PRDM11: variants seen among roughly 807,000 people sequenced by gnomAD.
PRDM11 encodes PR domain-containing protein 11.
A neutral mutation model predicts 97.8 loss-of-function variants in PRDM11; 20 were observed. The ratio of observed to expected loss-of-function variants is 0.20; its 90% CI spans 0.14 to 0.30. PRDM11 has a LOEUF of 0.30. Ranked by LOEUF, PRDM11 falls within the 10% of genes least tolerant of loss-of-function variation. The pLI is 1.00. For missense variants in PRDM11, 1,139 were observed against 1,555.2 expected, an observed-to-expected ratio of 0.73 and a Z score of 4.50; for synonymous variants, 599 against 637.7, an observed-to-expected ratio of 0.94 and a Z score of 0.91.
chr11:45,209,837 G>C (rs763786656), intron 5 of PRDM11, among the ~76,000 whole-genome samples: 4 of 152,176 alleles, frequency 2.6e-5, no homozygotes, highest in Non-Finnish European at 4.4e-5. Context: ...GTTAAGGAGT[G>C]GGTAAAACTG....
Position 45,224,686 on chromosome 11 carries a change from A to G in PRDM11, c.1212A>G (p.Glu404=), listed in dbSNP as rs763235305. 3 of 1,613,946 alleles carry G rather than the reference A, an allele frequency of 1.9e-6. No individual in the cohort carries two copies. In the African/African-American group the frequency reaches 4.0e-5, roughly 22 times the overall value. ...CCTCCCTTGCATCTGACCCTCATGA[A>G]CTTCCCACCACCTCTTTTTGCCCTA... is the stretch of plus-strand genomic sequence containing the variant. The part of the protein sequence containing the change: ...AEASLASDPH[E]LPTTSFCPNC... The change falls in exon 7 of 8, where the codon GAA becomes GAG. Residue 404 remains glutamate (E), a synonymous_variant. Coordinates refer to ENST00000683152, the MANE Select transcript of PRDM11 (RefSeq NM_001384648.1).
chr11:45,151,482 G>A (rs1207968907), intron 1 of PRDM11, among the ~76,000 whole-genome samples: 1 of 152,218 alleles, frequency 6.6e-6, no homozygotes, highest in Non-Finnish European at 1.5e-5. Flanking sequence ...GGGGAGGCCT[G>A]GACCCCCATC....
chr11:45,123,730 CT>C, intron 1 of PRDM11, among the ~76,000 whole-genome samples: 1 of 150,858 alleles, frequency 6.6e-6, no homozygotes, highest in South Asian at 2.1e-4. Context: ...CAGTACCATG[CT>C]GTTTTGGTTA....
chr11:45,205,175 C>T (rs1269964759), intron 5 of PRDM11, among the ~76,000 whole-genome samples: 1 of 152,226 alleles, frequency 6.6e-6, no homozygotes, highest in Non-Finnish European at 1.5e-5. Context: ...GTTGTTTAAA[C>T]AGCCTCCATG....
chr11:45,100,182 G>A (rs1565218641), intron 1 of PRDM11, among the ~76,000 whole-genome samples: 1 of 152,074 alleles, frequency 6.6e-6, no homozygotes. Flanking sequence ...CCATCCAAGG[G>A]CTAAAATGAA....
intron 1 of PRDM11, among the ~76,000 whole-genome samples, chr11:45,176,602 CT>C (rs1028562893): frequency 3.0e-4 from 46 of 152,244 alleles, no homozygotes; most frequent in African/African-American, 9.9e-4. Flanking sequence ...TTGTGAGTGG[CT>C]GTGCTGGTGT....
Position 45,146,816 on chromosome 11 carries a change from A to AGCCGTCCGCCGGGCCGCTCTC in PRDM11, c.-64_-63insTCCGCCGGGCCGCTCTCGCCG, listed in dbSNP as rs1851520394. ...AGCCGAGGCCGCGCCGCCTCCGCCG[A>AGCCGTCCGCCGGGCCGCTCTC]GCCGCCCGCCGGGCCGCTCTCGCCG... On this transcript the variant is annotated 5_prime_UTR_variant, in exon 1 of 8. Coordinates refer to ENST00000683152, the MANE Select transcript of PRDM11 (RefSeq NM_001384648.1). 1 of 145,524 alleles carries AGCCGTCCGCCGGGCCGCTCTC rather than the reference A, an allele frequency of 6.9e-6. No homozygotes were observed. The highest frequency in any genetic ancestry group is 2.5e-5 in the African/African-American group (1 of 40,494). 9.0% of individuals were successfully genotyped at this position (145,524 alleles called of 1,614,324 possible).
rs1300026991 is a variant in PRDM11 at position 45,140,847 on chromosome 11, C to T, written c.97-40914C>T. ...CCTCTACAAGACTGAGAACATACTT[C>T]ATCTCTTGAATGATGATTGAATCCA... On this transcript the variant is annotated intron_variant, in intron 1 of 6. Transcript: ENST00000530656. Among the ~76,000 whole-genome samples, 4 of 152,114 alleles carry T rather than the reference C, an allele frequency of 2.6e-5. 1 individual carries two copies. The highest frequency in any genetic ancestry group is 2.6e-4 in the Admixed American group (4 of 15,276).
At chr11:45,209,220 G>A (rs1457869821) in intron 5 of PRDM11, 1 of 428,508 alleles carries the variant, frequency 2.3e-6, no homozygotes, top group Non-Finnish European at 4.7e-6. Context: ...CATCAAGTCG[G>A]CGCTGCTCAC....
intron 1 of PRDM11, among the ~76,000 whole-genome samples, chr11:45,110,306 C>T (rs1230317239): frequency 5.9e-5 from 9 of 152,080 alleles, no homozygotes. Context: ...TGAGTACATG[C>T]CCTTACAGAG....
At chr11:45,114,485 TAGAA>T (rs1200623231) in intron 1 of PRDM11, among the ~76,000 whole-genome samples, 1 of 152,130 alleles carries the variant, frequency 6.6e-6, no homozygotes, top group African/African-American at 2.4e-5. Flanking sequence ...ATTAAAGTCT[TAGAA>T]GGAGAGAAAA....
In PRDM11 at chr11:45,105,254, C is replaced by T. The variant is rs75151103; in HGVS notation, c.96+9353C>T. On this transcript the variant is annotated intron_variant, in intron 1 of 6. Coordinates refer to the PRDM11 transcript ENST00000530656. Reference sequence around the variant, plus strand: ...AATTGCCTCCTCAATGCCCCACCTCCTAATACCATCACATCGGTGATTAGG... The same window carrying T: ...AATTGCCTCCTCAATGCCCCACCTCTTAATACCATCACATCGGTGATTAGG... Among the ~76,000 whole-genome samples the T allele has an allele frequency of 9.5e-4, 144 of 152,366 alleles. 1 individual carries two copies. The East Asian group carries it at 0.02, about 21-fold the overall frequency.
intron 1 of PRDM11, among the ~76,000 whole-genome samples, chr11:45,113,603 T>G (rs1288371228): frequency 2.0e-5 from 3 of 152,194 alleles, no homozygotes; most frequent in African/African-American, 7.2e-5. Flanking sequence ...TTCCATTTGT[T>G]TGTGTTATCT....
intron 1 of PRDM11, among the ~76,000 whole-genome samples, chr11:45,180,523 C>T (rs957873291): frequency 6.6e-6 from 1 of 151,756 alleles, no homozygotes; most frequent in African/African-American, 2.4e-5. Flanking sequence ...CCCGGAGCGA[C>T]CCCCCGCGGC....
At chr11:45,110,273 C>A (rs1311366586) in intron 1 of PRDM11, among the ~76,000 whole-genome samples, 1 of 151,984 alleles carries the variant, frequency 6.6e-6, no homozygotes. Flanking sequence ...AGCTAAGCTT[C>A]GGAGCCAGAA....
rs779911886 is a variant in PRDM11, at chr11:45,224,802, C to T, written c.1328C>T (p.Pro443Leu). The change falls in exon 7 of 8, where the codon CCA (proline) becomes CTA (leucine). Residue 443 changes from proline to leucine, a missense_variant. Pro to Leu is a moderately conservative substitution (Grantham distance 98). Coordinates refer to ENST00000683152, the MANE Select transcript of PRDM11 (RefSeq NM_001384648.1). ...AAACTTCCTGAGCCCCCCGTATTGCCACCACAGGTACTGGAGCTCCCAGAG... is the reference window on the plus strand; with the variant it reads ...AAACTTCCTGAGCCCCCCGTATTGCTACCACAGGTACTGGAGCTCCCAGAG... ...SGKLPEPPVL[P>L]PQVLELPEFS... 3.1e-6 allele frequency: 5 copies of T among 1,614,196 alleles called. No individual in the cohort carries two copies. In the Admixed American group the frequency reaches 6.7e-5, roughly 22 times the overall value.
intron 5 of PRDM11, chr11:45,213,705 C>G: frequency 2.2e-6 from 1 of 456,422 alleles, no homozygotes; most frequent in Non-Finnish European, 4.4e-6. Context: ...TCAGTGGGGG[C>G]TCAGGACAGT....
chr11:45,225,796 A>G (rs954260964), intron 7 of PRDM11, among the ~76,000 whole-genome samples, 199 bp from the exon 8 acceptor site: 13 of 152,146 alleles, frequency 8.5e-5, no homozygotes, highest in African/African-American at 3.1e-4. Flanking sequence ...GTGGACAATC[A>G]CAGGGAGAGT....
chr11:45,133,396 G>A (rs556090492), intron 1 of PRDM11, among the ~76,000 whole-genome samples: 73 of 152,260 alleles, frequency 4.8e-4, no homozygotes, highest in African/African-American at 1.7e-3. Flanking sequence ...TGAATGCTCT[G>A]CTCTCTTGGT....
Sources: gnomAD v4.1 joint callset for allele counts (sites outside exome capture counted in the v4.1 genomes callset) on GRCh38, gnomAD v4.1.1 for gene constraint, MANE v1.5 for transcripts, NCBI Gene and HGNC (gene_info 2026-07-23, HGNC 2026-07-21) for gene names.